PDGFD: variants seen among roughly 807,000 people sequenced by gnomAD.
PDGFD encodes the protein platelet derived growth factor D.
Under a neutral mutation model 44.7 loss-of-function variants are expected in PDGFD, and 30 were observed. The observed-to-expected ratio is 0.67, with a 90% confidence interval of 0.50 to 0.91. PDGFD has a LOEUF of 0.91. PDGFD is among the 40% of genes least tolerant of loss of function. PDGFD has a pLI of 0.00. For missense variants in PDGFD, 445 were observed against 457.8 expected, an observed-to-expected ratio of 0.97 and a Z score of 0.25; for synonymous variants, 173 against 168.4, an observed-to-expected ratio of 1.03 and a Z score of -0.21.
intron 1 of PDGFD, among the ~76,000 whole-genome samples, chr11:104,158,153 A>T (rs954786540): frequency 6.6e-6 from 1 of 152,226 alleles, no homozygotes; most frequent in East Asian, 1.9e-4. Context: ...TAAAGCGCAT[A>T]TCACACTCTT....
chr11:104,017,750 A>G (rs1264299203), intron 1 of PDGFD, among the ~76,000 whole-genome samples: 3 of 152,188 alleles, frequency 2.0e-5, no homozygotes, highest in Admixed American at 2.0e-4. Context: ...TACATATGCT[A>G]GGGTGCTAAC....
intron 6 of PDGFD, among the ~76,000 whole-genome samples, chr11:103,923,534 A>C (rs1334692788): frequency 1.3e-5 from 2 of 152,154 alleles, no homozygotes; most frequent in Non-Finnish European, 2.9e-5. Flanking sequence ...TTCACATCTC[A>C]TCAGTTGCAA....
rs572229295 is a variant in PDGFD, at chr11:103,982,258, T to C, written c.510+13807A>G. ...TTATATACTGTCACTTAATATGTCA[T>C]TGGGGATAGATTTTTTTGCTTTTAC... is the stretch of plus-strand genomic sequence containing the variant. On this transcript the variant is annotated intron_variant, in intron 3 of 6. Coordinates refer to ENST00000393158, the MANE Select transcript of PDGFD (RefSeq NM_025208.5). Among the ~76,000 whole-genome samples the C allele has an allele frequency of 2.0e-5, 3 of 151,862 alleles. No individual in the cohort carries two copies. The South Asian group carries it at 6.2e-4, about 31-fold the overall frequency.
intron 3 of PDGFD, among the ~76,000 whole-genome samples, chr11:103,956,062 T>G (rs1858840172): frequency 7.7e-6 from 1 of 129,080 alleles, no homozygotes; most frequent in Admixed American, 7.4e-5. Flanking sequence ...GAACTTAGTT[T>G]GGGAATTTTT....
At chr11:104,026,175 T>C (rs1860040095) in intron 1 of PDGFD, among the ~76,000 whole-genome samples, 1 of 152,206 alleles carries the variant, frequency 6.6e-6, no homozygotes, top group Non-Finnish European at 1.5e-5. Context: ...TGCCCATATG[T>C]GTGTTTTCTC....
intron 1 of PDGFD, among the ~76,000 whole-genome samples, chr11:104,150,094 CAGATATG>C (rs2119901853): frequency 6.6e-6 from 1 of 152,072 alleles, no homozygotes; most frequent in African/African-American, 2.4e-5. Context: ...TGTATAGGAG[CAGATATG>C]CAGCGGACTT....
intron 1 of PDGFD, chr11:104,038,136 C>A: frequency 1.0e-6 from 1 of 995,432 alleles, no homozygotes; most frequent in Non-Finnish European, 1.5e-6. Context: ...GGCCTTGGGA[C>A]TACGTTCTCA....
chr11:103,992,900 A>G (rs1436031884), intron 3 of PDGFD, among the ~76,000 whole-genome samples: 1 of 152,160 alleles, frequency 6.6e-6, no homozygotes, highest in Non-Finnish European at 1.5e-5. Context: ...GTCCAGGTAC[A>G]CCTGGAGAGT....
intron 5 of PDGFD, 119 bp from the exon 6 acceptor site, chr11:103,927,245 A>T (rs900740119): frequency 2.3e-6 from 2 of 862,664 alleles, no homozygotes; most frequent in Non-Finnish European, 1.8e-6. Context: ...CTGGGATTAA[A>T]TCCATCCTCA....
Position 104,157,579 on chromosome 11 carries a change from A to G in PDGFD, c.124+6225T>C, listed in dbSNP as rs114317742. ...CCCCTTCTCCCTCTCACTGCACCCAATGTCTGAAATGACTTGTCCAGAATC... is the reference window on the plus strand; with the variant it reads ...CCCCTTCTCCCTCTCACTGCACCCAGTGTCTGAAATGACTTGTCCAGAATC... On this transcript the variant is annotated intron_variant, in intron 1 of 6. Transcript: ENST00000393158. Among the ~76,000 whole-genome samples the G allele has an allele frequency of 2.8e-4, 42 of 152,204 alleles. 1 individual carries two copies. In the East Asian group the frequency reaches 4.6e-3, roughly 17 times the overall value.
At chr11:103,942,394 A>T (rs1858598612) in intron 5 of PDGFD, among the ~76,000 whole-genome samples, 1 of 152,102 alleles carries the variant, frequency 6.6e-6, no homozygotes, top group African/African-American at 2.4e-5. Context: ...ATGCCAATAA[A>T]CATTCTCATC....
chr11:104,055,404 T>C (rs1860603835), intron 1 of PDGFD, among the ~76,000 whole-genome samples: 1 of 152,192 alleles, frequency 6.6e-6, no homozygotes, highest in Admixed American at 6.5e-5. Flanking sequence ...TCTTGGTAAC[T>C]TTGGCTCCAG....
At chr11:103,979,058 G>C (rs1859225028) in intron 3 of PDGFD, among the ~76,000 whole-genome samples, 3 of 152,054 alleles carry the variant, frequency 2.0e-5, no homozygotes, top group Non-Finnish European at 2.9e-5. Context: ...GATTCACTGA[G>C]TCAGGCATCA....
At chr11:103,947,546 T>A (rs1013329260) in intron 4 of PDGFD, 116 bp downstream of exon 4, 1 of 748,610 alleles carries the variant, frequency 1.3e-6, no homozygotes, top group Non-Finnish European at 2.4e-6. Context: ...ACATCCTGTT[T>A]GAGATCTAGC....
intron 1 of PDGFD, among the ~76,000 whole-genome samples, chr11:104,163,568 G>A (rs1483500): frequency 0.6 from 91,406 of 151,498 alleles, 28,252 homozygotes; most frequent in African/African-American, 0.75. Context: ...GTGCAGCAAG[G>A]TGAGCCACCT....
intron 1 of PDGFD, among the ~76,000 whole-genome samples, chr11:104,044,059 A>G (rs2134401213): frequency 6.6e-6 from 1 of 152,268 alleles, no homozygotes; most frequent in East Asian, 1.9e-4. Context: ...TTGACTACCA[A>G]CAATGAGTCG....
chr11:103,982,249 A>T (rs1859282115), intron 3 of PDGFD, among the ~76,000 whole-genome samples: 1 of 151,792 alleles, frequency 6.6e-6, no homozygotes, highest in South Asian at 2.1e-4. Context: ...ACTGTCACTT[A>T]ATATGTCATT....
rs117431606 is a variant in PDGFD at position 104,080,370 on chromosome 11, G to A, written c.125-80115C>T. ...GTAGTATCAACCAATATCAGATTTCGACTAGAGACCAGAAATTCAAGTACT... is the reference window on the plus strand; with the variant it reads ...GTAGTATCAACCAATATCAGATTTCAACTAGAGACCAGAAATTCAAGTACT... On this transcript the variant is annotated intron_variant, in intron 1 of 6. Transcript: ENST00000393158. Among the ~76,000 whole-genome samples the A allele has an allele frequency of 4.5e-4, 68 of 152,162 alleles. 1 individual carries two copies. The East Asian group carries it at 0.011, about 25-fold the overall frequency.
intron 1 of PDGFD, among the ~76,000 whole-genome samples, chr11:104,115,942 T>C (rs1312203229): frequency 6.6e-6 from 1 of 152,120 alleles, no homozygotes; most frequent in African/African-American, 2.4e-5. Context: ...ATATTAGTCC[T>C]ATGTCAGATG....
Sources: allele counts gnomAD v4.1 joint callset (sites outside exome capture counted in the v4.1 genomes callset), GRCh38; gene constraint gnomAD v4.1.1; transcripts MANE v1.5; gene names NCBI Gene and HGNC (gene_info 2026-07-23, HGNC 2026-07-21).